The following MBD5 variants were observed in gnomAD, a reference collection of about 807,000 sequenced individuals.
MBD5 encodes methyl-CpG binding domain protein 5, also known as methyl-CpG-binding domain protein 5.
Under a neutral mutation model 117.3 loss-of-function variants are expected in MBD5, and 13 were observed. The observed-to-expected ratio is 0.11, with a 90% CI of 0.07 to 0.18. The LOEUF (loss-of-function observed/expected upper bound fraction) is 0.18, where lower values mean the gene tolerates loss of function less well. Ranked by LOEUF, MBD5 falls within the 10% of genes least tolerant of loss-of-function variation. MBD5 has a pLI of 1.00. For missense variants in MBD5, 1,879 were observed against 2,093.8 expected, an observed-to-expected ratio of 0.90 and a Z score of 2.00; for synonymous variants, 727 against 766.4, an observed-to-expected ratio of 0.95 and a Z score of 0.85.
chr2:148,317,706 G>A (rs1409009569), intron 3 of MBD5, among the ~76,000 whole-genome samples: 4 of 152,012 alleles, frequency 2.6e-5, no homozygotes, highest in African/African-American at 4.8e-5. Context: ...AAAACATGCA[G>A]CATTTTACTT....
At chr2:148,195,447 A>T (rs1698959161) in intron 2 of MBD5, among the ~76,000 whole-genome samples, 1 of 152,166 alleles carries the variant, frequency 6.6e-6, no homozygotes, top group Non-Finnish European at 1.5e-5. Flanking sequence ...ACAATTCCAC[A>T]ATTATAGTTA....
intron 11 of MBD5, among the ~76,000 whole-genome samples, chr2:148,495,577 G>T (rs1404387744): frequency 6.6e-6 from 1 of 152,064 alleles, no homozygotes; most frequent in African/African-American, 2.4e-5. Context: ...TCTTTTCAAA[G>T]AAATGACTGT....
At chr2:148,219,802 T>G (rs570495289) in intron 2 of MBD5, 1 of 152,160 alleles carries the variant, frequency 6.6e-6, no homozygotes, top group Non-Finnish European at 1.5e-5. Context: ...TATAGTAACA[T>G]TTAAACAAAT....
intron 10 of MBD5, among the ~76,000 whole-genome samples, chr2:148,488,751 G>T (rs1681419736): frequency 6.6e-6 from 1 of 152,060 alleles, no homozygotes; most frequent in Non-Finnish European, 1.5e-5. Context: ...CCCCTGGTAA[G>T]TATGCTCTCC....
At chr2:148,081,952 C>T (rs79136180) in intron 1 of MBD5, among the ~76,000 whole-genome samples, 1,914 of 152,248 alleles carry the variant, frequency 0.013, 46 homozygotes, top group African/African-American at 0.043. Flanking sequence ...AGCTAATACA[C>T]TTATTATTTC....
intron 1 of MBD5, among the ~76,000 whole-genome samples, chr2:148,178,327 A>G (rs1017400811): frequency 2.0e-5 from 3 of 152,188 alleles, no homozygotes; most frequent in Non-Finnish European, 2.9e-5. Context: ...TATTTTTGTA[A>G]TAATTTTGAG....
intron 3 of MBD5, among the ~76,000 whole-genome samples, chr2:148,317,621 C>T (rs1282889019): frequency 2.0e-5 from 3 of 152,088 alleles, no homozygotes; most frequent in African/African-American, 7.2e-5. Context: ...ACCCTCCCAC[C>T]TTTTGTTGTC....
intron 7 of MBD5, among the ~76,000 whole-genome samples, chr2:148,464,855 T>G (rs1707210014): frequency 6.6e-6 from 1 of 151,258 alleles, no homozygotes; most frequent in African/African-American, 2.4e-5. Flanking sequence ...CCTTTAGTCT[T>G]AGCTACTTAG....
chr2:148,245,616 A>G (rs1294260069), intron 3 of MBD5, among the ~76,000 whole-genome samples: 3 of 152,046 alleles, frequency 2.0e-5, no homozygotes, highest in Non-Finnish European at 4.4e-5. Context: ...ATATCTATAT[A>G]TTACTTTAAG....
intron 3 of MBD5, among the ~76,000 whole-genome samples, chr2:148,257,962 A>C (rs1297484468): frequency 6.6e-6 from 1 of 152,202 alleles, no homozygotes. Flanking sequence ...ATAGTCCACC[A>C]TCATCCACCA....
At chr2:148,477,524 A>T (rs1681007872) in intron 8 of MBD5, among the ~76,000 whole-genome samples, 1 of 152,152 alleles carries the variant, frequency 6.6e-6, no homozygotes, top group South Asian at 2.1e-4. Flanking sequence ...ATTCCCTCTT[A>T]CTAAAACTTG....
rs975490228 is a variant in MBD5 at position 148,037,061 on chromosome 2, C to T, written c.-925+15377C>T. On this transcript the variant is annotated intron_variant, in intron 1 of 13. Transcript: ENST00000642680. ...AATTTATGCTCATAATTGCTTAAGA[C>T]GTAGGGTTTTTATGTAAAGGCAGAA... Among the ~76,000 whole-genome samples the T allele has an allele frequency of 1.8e-4, 28 of 151,822 alleles. 1 individual carries two copies. Among genetic ancestry groups the T allele is most frequent in the East Asian group, 1.9e-4 (1 of 5,192 alleles).
At chr2:148,105,314 G>C (rs1037845194) in intron 1 of MBD5, among the ~76,000 whole-genome samples, 3 of 151,438 alleles carry the variant, frequency 2.0e-5, no homozygotes, top group Admixed American at 1.3e-4. Context: ...TGCCTCCCAG[G>C]TTCAAGTGAT....
At chr2:148,294,505 T>TTTTTTTTTTTTG (rs1701594614) in intron 3 of MBD5, among the ~76,000 whole-genome samples, 1 of 29,804 alleles carries the variant, frequency 3.4e-5, no homozygotes, top group Non-Finnish European at 8.9e-5. Flanking sequence ...ATTACAGTTT[T>TTTTTTTTTTTTG]TTTTTTTTTT....
chr2:148,150,353 A>G (rs1352919852), intron 1 of MBD5, among the ~76,000 whole-genome samples: 6 of 151,086 alleles, frequency 4.0e-5, no homozygotes, highest in Non-Finnish European at 5.9e-5. Flanking sequence ...GCCTTGTAGT[A>G]TAGTTTGAAG....
At chr2:148,072,679 CT>C (rs1325408192) in intron 1 of MBD5, among the ~76,000 whole-genome samples, 2 of 152,074 alleles carry the variant, frequency 1.3e-5, no homozygotes, top group Non-Finnish European at 2.9e-5. Context: ...TTGATTGCCC[CT>C]GATAATGAGA....
At chr2:148,435,505 A>C (rs1414201290) in intron 4 of MBD5, among the ~76,000 whole-genome samples, 1 of 152,092 alleles carries the variant, frequency 6.6e-6, no homozygotes, top group African/African-American at 2.4e-5. Context: ...TGTGAAGCTT[A>C]GTTTGCCTGG....
In MBD5 at chr2:148,458,595, T is replaced by G. The variant is rs968581861; in HGVS notation, c.-164T>G. 2.4e-5 allele frequency: 16 copies of G among 656,414 alleles called. No homozygotes were observed. The highest frequency in any genetic ancestry group is 4.4e-5 in the Non-Finnish European group (16 of 361,062). 40.7% of individuals were successfully genotyped at this position (656,414 alleles called of 1,614,324 possible). A position where few individuals can be genotyped will look rare whatever the true frequency, so the allele number is the denominator to read the frequency against. On this transcript the variant is annotated 5_prime_UTR_variant, in exon 5 of 14. Transcript: ENST00000642680. The stretch of plus-strand genomic sequence containing the variant: ...CTGATTTTTTTCACAATGGCATATT[T>G]CAAGGACTTGGTTCCAAACTGAGCT...
chr2:148,048,828 AAAG>A (rs1293133825), intron 1 of MBD5, among the ~76,000 whole-genome samples: 3 of 152,268 alleles, frequency 2.0e-5, no homozygotes, highest in Middle Eastern at 3.4e-3. Context: ...TCCCTTGAGA[AAAG>A]AAGTGAATAA....
Sources: allele counts gnomAD v4.1 joint callset (sites outside exome capture counted in the v4.1 genomes callset), GRCh38; gene constraint gnomAD v4.1.1; transcripts MANE v1.5; gene names NCBI Gene and HGNC (gene_info 2026-07-23, HGNC 2026-07-21).